CXXC4: variants seen among roughly 807,000 people sequenced by gnomAD.
The protein encoded by CXXC4 is CXXC finger protein 4, also known as CXXC-type zinc finger protein 4.
A neutral mutation model predicts 20.5 loss-of-function variants in CXXC4; 5 were observed. The observed-to-expected ratio is 0.24, with a 90% CI of 0.13 to 0.51. The LOEUF (loss-of-function observed/expected upper bound fraction) is 0.51, where lower values mean the gene tolerates loss of function less well. CXXC4 is among the 20% of genes least tolerant of loss of function. The probability of loss-of-function intolerance (pLI) is 0.97; values close to 1 mark genes in which losing one functional copy is unlikely to be tolerated. For missense variants in CXXC4, 419 were observed against 496.4 expected (o/e 0.84, Z 1.48); for synonymous variants, 250 against 216.4 (o/e 1.16, Z -1.36).
intron 1 of CXXC4, 142 bp from the exon 2 acceptor site, chr4:104,492,201 A>ACCCCC: frequency 9.1e-6 from 1 of 109,504 alleles, no homozygotes. Context: ...TCAAGACGTG[A>ACCCCC]CCCCCCCCAG....
intron 1 of CXXC4, among the ~76,000 whole-genome samples, chr4:104,492,553 G>A (rs1186137789): frequency 6.6e-6 from 1 of 152,136 alleles, no homozygotes; most frequent in Non-Finnish European, 1.5e-5. Context: ...ATGAAGTACT[G>A]AAAAAGTCTA....
intron 2 of CXXC4, among the ~76,000 whole-genome samples, chr4:104,478,279 G>A (rs1736467007): frequency 6.6e-6 from 1 of 152,156 alleles, no homozygotes; most frequent in South Asian, 2.1e-4. Context: ...TGTGACTTTA[G>A]AAGGTAAACC....
At chr4:104,486,176 C>T (rs1007051756) in intron 2 of CXXC4, among the ~76,000 whole-genome samples, 7 of 151,868 alleles carry the variant, frequency 4.6e-5, no homozygotes, top group Non-Finnish European at 7.4e-5. Flanking sequence ...GTTGGATGGG[C>T]GAGGGTACTG....
intron 2 of CXXC4, among the ~76,000 whole-genome samples, chr4:104,477,683 T>A (rs954108638): frequency 3.9e-5 from 6 of 151,994 alleles, no homozygotes; most frequent in Admixed American, 6.6e-5. Flanking sequence ...CACAGTCCAA[T>A]AATTTATTGC....
In CXXC4 at chr4:104,491,046, C is replaced by CGATGACCCCTGGAGGTAATGA; in HGVS notation, c.736_756dup (p.Ser246_Ile252dup). 1 of 1,614,002 alleles carries CGATGACCCCTGGAGGTAATGA rather than the reference C, an allele frequency of 6.2e-7. No individual in the cohort carries two copies. ...GCGGGGGAGTGAAGGGCTGTCATGA[C>CGATGACCCCTGGAGGTAATGA]GATGACCCCTGGAGGTAATGAGATG... On this transcript the variant is annotated inframe_insertion, in exon 2 of 3. Coordinates refer to ENST00000394767, the MANE Select transcript of CXXC4 (RefSeq NM_025212.4).
intron 2 of CXXC4, among the ~76,000 whole-genome samples, chr4:104,484,999 T>C (rs1736647250): frequency 2.0e-5 from 3 of 152,006 alleles, no homozygotes; most frequent in Admixed American, 6.6e-5. Flanking sequence ...TAAAAGTATG[T>C]TAAAAATGGT....
At chr4:104,473,306 T>C (rs1300962067) in intron 2 of CXXC4, among the ~76,000 whole-genome samples, 1 of 151,850 alleles carries the variant, frequency 6.6e-6, no homozygotes, top group Non-Finnish European at 1.5e-5. Context: ...ACCAATGATA[T>C]TCAATGAAGC....
chr4:104,468,469 G>T lies in CXXC4; in HGVS notation c.*3853C>A, dbSNP rs542239864. The T allele has an allele frequency of 6.8e-6, 1 of 147,378 alleles. No homozygotes were observed. The highest frequency in any genetic ancestry group is 2.1e-4 in the South Asian group (1 of 4,716). 9.1% of individuals were successfully genotyped at this position (147,378 alleles called of 1,614,324 possible). On this transcript the variant is annotated 3_prime_UTR_variant, in exon 3 of 3. Transcript: ENST00000394767. ...AATAAATACACTGTTTTCCAAAACC[G>T]TTTTTTAAATAATTGCACAAGCATA...
rs1347890226 is a variant in CXXC4 at position 104,491,996 on chromosome 4, C to T, written c.-194G>A. ...GGCTGCTTTATTCCTCTCTGGGGCT[C>T]ATTTCCACAGACGGTGAATTCCCAG... is the stretch of plus-strand genomic sequence containing the variant. On this transcript the variant is annotated 5_prime_UTR_variant, in exon 2 of 3. It removes an upstream start codon present in the reference 5' UTR. Coordinates refer to ENST00000394767, the MANE Select transcript of CXXC4 (RefSeq NM_025212.4). The T allele has an allele frequency of 3.0e-5, 12 of 402,840 alleles. No individual in the cohort carries two copies. Among genetic ancestry groups the T allele is most frequent in the East Asian group, 2.9e-4 (8 of 27,210 alleles). The allele number at this position is 402,840 out of a possible 1,614,324, so 25.0% of individuals were successfully genotyped here.
At chr4:104,483,691 T>C (rs1388962340) in intron 2 of CXXC4, among the ~76,000 whole-genome samples, 1 of 151,942 alleles carries the variant, frequency 6.6e-6, no homozygotes, top group East Asian at 1.9e-4. Context: ...TTCTTACAAT[T>C]ATTCTCTTGA....
rs539519524 is a variant in CXXC4, at chr4:104,481,506, C to T, written c.1060-9140G>A. ...TGAGATCACGCCACTGCACTCCAGA[C>T]TGGCCAACAGACCAAGACCCTGTCT... is the stretch of plus-strand genomic sequence containing the variant. On this transcript the variant is annotated intron_variant, in intron 2 of 2. Coordinates refer to ENST00000394767, the MANE Select transcript of CXXC4 (RefSeq NM_025212.4). 6.6e-5 allele frequency among the ~76,000 whole-genome samples: 10 copies of T among 151,524 alleles called. No individual in the cohort carries two copies. The East Asian group carries it at 1.8e-3, about 27-fold the overall frequency.
chr4:104,491,354 G>A lies in CXXC4; in HGVS notation c.449C>T (p.Ser150Leu), dbSNP rs1212146887. Residue 150 changes from serine (S) to leucine (L), a missense_variant, in exon 2 of 3, where the codon TCG becomes TTG. By Grantham distance (145) the Ser-to-Leu change is moderately radical. This residue lies in a region of CXXC4 where 388 missense variants were observed against 416.0 expected (regional missense o/e 0.93). Transcript: ENST00000394767. ...AAASSSASSS[S>L]AILPAGGGGG... ...GCCACCGCCGGCGGGGAGGATCGCC[G>A]AGGAGGAGGAGGCGGAGGAGGAGGC... The A allele has an allele frequency of 1.3e-6, 2 of 1,518,040 alleles. No homozygotes were observed. The highest frequency in any genetic ancestry group is 1.8e-6 in the Non-Finnish European group (2 of 1,136,574). 94.0% of individuals were successfully genotyped at this position (1,518,040 alleles called of 1,614,324 possible). A position where few individuals can be genotyped will look rare whatever the true frequency, so the allele number is the denominator to read the frequency against.
chr4:104,493,732 A>G (rs1271194909), intron 1 of CXXC4, among the ~76,000 whole-genome samples: 3 of 152,194 alleles, frequency 2.0e-5, no homozygotes, highest in Admixed American at 2.0e-4. Flanking sequence ...GGTGCCCCCA[A>G]AATGCTCTTG....
chr4:104,491,865 TG>T lies in CXXC4; in HGVS notation c.-64del, dbSNP rs2110281222. On this transcript the variant is annotated 5_prime_UTR_variant, in exon 2 of 3. Coordinates refer to ENST00000394767, the MANE Select transcript of CXXC4 (RefSeq NM_025212.4). Reference sequence around the variant, plus strand: ...GGGACCGCCTGGTCCGACACCTGGGTGGAAAAGGGGGAAAGGTGGGGGGGAG... The same window carrying T: ...GGGACCGCCTGGTCCGACACCTGGGTGAAAAGGGGGAAAGGTGGGGGGGAG... 1 of 528,608 alleles carries T rather than the reference TG, an allele frequency of 1.9e-6. No homozygotes were observed. Among genetic ancestry groups the T allele is most frequent in the East Asian group, 2.3e-4 (1 of 4,336 alleles). The allele number at this position is 528,608 out of a possible 1,614,324, so 32.7% of individuals were successfully genotyped here.
At chr4:104,487,742 TACAC>T (rs1186906754) in intron 2 of CXXC4, among the ~76,000 whole-genome samples, 1 of 152,172 alleles carries the variant, frequency 6.6e-6, no homozygotes, top group Non-Finnish European at 1.5e-5. Context: ...GTTATGCAAA[TACAC>T]AGTGCACAGT....
chr4:104,489,353 A>AC lies in CXXC4; in HGVS notation c.1059+1390dup, dbSNP rs1201319667. 5.2e-3 allele frequency among the ~76,000 whole-genome samples: 789 copies of AC among 151,900 alleles called. 5 individuals carry two copies. Among genetic ancestry groups the AC allele is most frequent in the African/African-American group, 0.018 (744 of 41,422 alleles). ...TACACAATTAAAGGTTAAAAAAAAA[A>AC]CTGTATCTTCTTTGTGTTCAAACCT... On this transcript the variant is annotated intron_variant, in intron 2 of 2. Transcript: ENST00000394767.
At position 104,469,323 on chromosome 4, in the gene CXXC4, C is replaced by T. The variant is rs1736203434; in HGVS notation, c.*2999G>A. On this transcript the variant is annotated 3_prime_UTR_variant, in exon 3 of 3. Transcript: ENST00000394767. ...ACGCCTCAAGTATTTACCATGATCT[C>T]CCCAAATGCTGGCAGATTATGGCAT... The T allele has an allele frequency of 1.3e-5, 2 of 152,034 alleles. No homozygotes were observed. Among genetic ancestry groups the T allele is most frequent in the African/African-American group, 2.4e-5 (1 of 41,424 alleles). The allele number at this position is 152,034 out of a possible 1,614,324, so 9.4% of individuals were successfully genotyped here.
Position 104,472,325 on chromosome 4 carries a change from A to C in CXXC4, c.1101T>G (p.Phe367Leu). 1 of 1,603,114 alleles carries C rather than the reference A, an allele frequency of 6.2e-7. No individual in the cohort carries two copies. Among genetic ancestry groups the C allele is most frequent in the South Asian group, 1.1e-5 (1 of 89,256 alleles). ...VPSAEAFRWFF is the reference protein window; with the variant it reads ...VPSAEAFRWFL ...GAAAATAAGATATACTACTGCTTTA[A>C]AAGAACCATCGGAATGCTTCAGCGC... The change falls in exon 3 of 3, where the codon TTT becomes TTG. Residue 367 changes from phenylalanine (F) to leucine (L), a missense_variant. Transcript: ENST00000394767.
chr4:104,477,440 A>G (rs1560539399), intron 2 of CXXC4, among the ~76,000 whole-genome samples: 1 of 152,104 alleles, frequency 6.6e-6, no homozygotes, highest in Non-Finnish European at 1.5e-5. Flanking sequence ...AAACTGATTG[A>G]CACAAATTAA....
Sources: gnomAD v4.1 joint callset for allele counts (sites outside exome capture counted in the v4.1 genomes callset) on GRCh38, gnomAD v4.1.1 for gene constraint, gnomAD v4.1.1 regional missense constraint, MANE v1.5 for transcripts, NCBI Gene and HGNC (gene_info 2026-07-23, HGNC 2026-07-21) for gene names.